Variants in CNTN4 observed in about 807,000 individuals in gnomAD.
CNTN4 encodes the protein contactin 4.
A neutral mutation model predicts 122.5 loss-of-function variants in CNTN4; 77 were observed. The ratio of observed to expected loss-of-function variants is 0.63; its 90% CI spans 0.52 to 0.76. The LOEUF is 0.76. CNTN4 is among the 30% of genes least tolerant of loss of function. The probability of loss-of-function intolerance (pLI) is 0.00; values close to 1 mark genes in which losing one functional copy is unlikely to be tolerated. For synonymous variants in CNTN4, 512 were observed against 447.0 expected (o/e 1.15, Z -1.83); for missense variants, 1,256 against 1,259.1 (o/e 1.00, Z 0.04).
At chr3:2,537,443 A>G (rs6793017) in intron 3 of CNTN4, among the ~76,000 whole-genome samples, 118,488 of 152,004 alleles carry the variant, frequency 0.78, 46,273 homozygotes, top group South Asian at 0.81. Flanking sequence ...TCACCAGGAT[A>G]CTTTATGTTG....
At chr3:2,326,099 C>T (rs936445773) in intron 2 of CNTN4, among the ~76,000 whole-genome samples, 2 of 152,154 alleles carry the variant, frequency 1.3e-5, no homozygotes, top group African/African-American at 4.8e-5. Flanking sequence ...ATGAAATTAA[C>T]ATTTGAATTA....
intron 4 of CNTN4, among the ~76,000 whole-genome samples, chr3:2,675,238 C>A (rs1297079606): frequency 6.6e-6 from 1 of 151,948 alleles, no homozygotes; most frequent in African/African-American, 2.4e-5. Flanking sequence ...ACCTTATCTC[C>A]TTCCATCTCC....
chr3:2,586,954 AT>A (rs1307510548), intron 4 of CNTN4, among the ~76,000 whole-genome samples: 2 of 151,788 alleles, frequency 1.3e-5, no homozygotes, highest in African/African-American at 4.8e-5. Flanking sequence ...CCCTCCTTTG[AT>A]TTTTCAGTCT....
chr3:2,277,319 A>G (rs751071714), intron 2 of CNTN4, among the ~76,000 whole-genome samples: 7 of 152,142 alleles, frequency 4.6e-5, no homozygotes, highest in African/African-American at 9.7e-5. Context: ...CAAAATGCCT[A>G]TTGAGTTGGT....
At chr3:3,035,542 T>A (rs1468077789) in intron 17 of CNTN4, among the ~76,000 whole-genome samples, 1 of 152,096 alleles carries the variant, frequency 6.6e-6, no homozygotes, top group African/African-American at 2.4e-5. Context: ...CAGAGGATTA[T>A]AGGGAGCCTC....
intron 3 of CNTN4, among the ~76,000 whole-genome samples, chr3:2,350,527 G>A (rs990079026): frequency 1.3e-4 from 19 of 151,814 alleles, no homozygotes; most frequent in African/African-American, 4.4e-4. Context: ...AAAGTGCTCT[G>A]TACTAGTGTA....
chr3:2,261,358 G>C (rs1260863970), intron 2 of CNTN4, among the ~76,000 whole-genome samples: 4 of 152,182 alleles, frequency 2.6e-5, no homozygotes, highest in Admixed American at 6.5e-5. Flanking sequence ...AGCCCCATGA[G>C]GCATCCTTGT....
intron 6 of CNTN4, among the ~76,000 whole-genome samples, chr3:2,802,402 G>A (rs1048274507): frequency 6.6e-6 from 1 of 152,166 alleles, no homozygotes; most frequent in Non-Finnish European, 1.5e-5. Flanking sequence ...ACGTTGTTTT[G>A]CCTTCTTTGC....
chr3:2,750,809 T>A (rs1425069460), intron 6 of CNTN4, among the ~76,000 whole-genome samples: 1 of 152,184 alleles, frequency 6.6e-6, no homozygotes, highest in Non-Finnish European at 1.5e-5. Context: ...GAATAGGAAT[T>A]AGACATTAAA....
chr3:2,616,374 A>G lies in CNTN4; in HGVS notation c.55+44816A>G, dbSNP rs1042532488. 5.3e-5 allele frequency among the ~76,000 whole-genome samples: 8 copies of G among 152,118 alleles called. No homozygotes were observed. In the East Asian group the frequency reaches 1.4e-3, roughly 26 times the overall value. ...GTACCACATTTTCTTTTTCCAGTCT[A>G]TCATTGTTGGTCATTCAGGTTAGTT... On this transcript the variant is annotated intron_variant, in intron 4 of 24. Transcript: ENST00000418658.
intron 3 of CNTN4, among the ~76,000 whole-genome samples, chr3:2,377,360 T>C (rs1575496933): frequency 6.6e-6 from 1 of 152,182 alleles, no homozygotes; most frequent in South Asian, 2.1e-4. Flanking sequence ...AAAGTATTAA[T>C]AGAATGACTG....
Position 2,235,165 on chromosome 3 carries a change from T to G in CNTN4, c.-144-104013T>G, listed in dbSNP as rs532650153. Among the ~76,000 whole-genome samples, 8 of 152,332 alleles carry G rather than the reference T, an allele frequency of 5.3e-5. No individual in the cohort carries two copies. The South Asian group carries it at 1.4e-3, about 28-fold the overall frequency. On this transcript the variant is annotated intron_variant, in intron 2 of 24. Transcript: ENST00000418658. ...GATTTATTTTTGCCTGTTCTATTTG[T>G]CTTTTGACTACAGTTTGAAATGAGT...
At chr3:2,158,198 AAAAG>A (rs974983853) in intron 2 of CNTN4, among the ~76,000 whole-genome samples, 66 of 151,826 alleles carry the variant, frequency 4.3e-4, no homozygotes, top group African/African-American at 1.5e-3. Context: ...CCAGAAATAA[AAAAG>A]AAACTTGTGA....
chr3:2,355,150 G>C (rs1388217955), intron 3 of CNTN4, among the ~76,000 whole-genome samples: 1 of 152,170 alleles, frequency 6.6e-6, no homozygotes, highest in Non-Finnish European at 1.5e-5. Context: ...TTCTCAAGTA[G>C]CTTCAGCATT....
intron 16 of CNTN4, among the ~76,000 whole-genome samples, 199 bp downstream of exon 16, chr3:3,031,174 C>T (rs551134720): frequency 1.8e-4 from 27 of 152,212 alleles, no homozygotes; most frequent in Admixed American, 7.8e-4. Context: ...GAAAATGCAC[C>T]GAACACATCC....
intron 4 of CNTN4, among the ~76,000 whole-genome samples, chr3:2,720,304 C>T (rs997348132): frequency 6.6e-6 from 1 of 152,090 alleles, no homozygotes; most frequent in African/African-American, 2.4e-5. Context: ...CTTTTATACC[C>T]TATTAAATGC....
At chr3:2,785,527 A>G (rs2091776727) in intron 6 of CNTN4, among the ~76,000 whole-genome samples, 2 of 152,286 alleles carry the variant, frequency 1.3e-5, no homozygotes, top group East Asian at 1.9e-4. Flanking sequence ...TCCAGAAATA[A>G]TGTTTAAGCT....
chr3:2,119,208 C>T (rs1327169956), intron 2 of CNTN4, among the ~76,000 whole-genome samples: 1 of 152,198 alleles, frequency 6.6e-6, no homozygotes, highest in Non-Finnish European at 1.5e-5. Flanking sequence ...CATTGCTTGT[C>T]CAGTCTGTTA....
intron 23 of CNTN4, among the ~76,000 whole-genome samples, chr3:3,046,602 C>A (rs532650752): frequency 1.3e-5 from 2 of 152,202 alleles, no homozygotes; most frequent in East Asian, 1.9e-4. Flanking sequence ...ACCACCAGGC[C>A]TGCCCTAAAA....
Sources: gnomAD v4.1 joint callset for allele counts (sites outside exome capture counted in the v4.1 genomes callset) on GRCh38, gnomAD v4.1.1 for gene constraint, MANE v1.5 for transcripts, NCBI Gene and HGNC (gene_info 2026-07-23, HGNC 2026-07-21) for gene names.